STYX: variants seen among roughly 807,000 people sequenced by gnomAD.
STYX encodes serine/threonine/tyrosine-interacting protein.
STYX carries 20 observed loss-of-function variants against 42.7 expected under a neutral mutation model. That is an observed-to-expected ratio of 0.47 (90% CI 0.33 to 0.68). The LOEUF (loss-of-function observed/expected upper bound fraction) is 0.68, where lower values mean the gene tolerates loss of function less well. Among genes scored for constraint, STYX ranks in the 30% least tolerant of loss-of-function variants. STYX has a pLI of 0.02. For missense variants in STYX, 226 were observed against 268.5 expected, an observed-to-expected ratio of 0.84 and a Z score of 1.11; for synonymous variants, 78 against 81.9, an observed-to-expected ratio of 0.95 and a Z score of 0.26.
At chr14:52,764,875 G>A (rs1034752885) in intron 9 of STYX, among the ~76,000 whole-genome samples, 2 of 151,786 alleles carry the variant, frequency 1.3e-5, no homozygotes, top group African/African-American at 4.8e-5. Flanking sequence ...TGCCATGTTG[G>A]CCAGGATGGT....
chr14:52,751,952 C>T (rs1473053217), intron 4 of STYX, among the ~76,000 whole-genome samples: 3 of 152,112 alleles, frequency 2.0e-5, no homozygotes, highest in Middle Eastern at 3.2e-3. Context: ...CACCTGAGGT[C>T]AGGAGTTCGA....
chr14:52,755,113 G>GTTT (rs199911952), intron 4 of STYX, among the ~76,000 whole-genome samples: 1 of 110,646 alleles, frequency 9.0e-6, no homozygotes, highest in African/African-American at 3.2e-5. Flanking sequence ...TTTTTTGTTT[G>GTTT]TTTTTTTGTT....
intron 1 of STYX, 71 bp from the exon 2 acceptor site, chr14:52,744,781 C>A: frequency 1.4e-6 from 2 of 1,412,192 alleles, no homozygotes; most frequent in South Asian, 1.2e-5. Flanking sequence ...ACTTGTGTGT[C>A]ACATCTTTAG....
chr14:52,730,296 C>A lies in STYX; in HGVS notation c.-179C>A. 1.6e-6 allele frequency: 1 copy of A among 621,442 alleles called. No homozygotes were observed. 38.5% of individuals were successfully genotyped at this position (621,442 alleles called of 1,614,324 possible). ...ACCCTCCTCTTCCCTGTCTTCGCCG[C>A]CGCCGCTGCTGGAGTCACTGGGACC... On this transcript the variant is annotated 5_prime_UTR_variant, in exon 1 of 11. Coordinates refer to ENST00000354586, the MANE Select transcript of STYX (RefSeq NM_145251.4).
chr14:52,742,925 A>G (rs1881251199), intron 1 of STYX, among the ~76,000 whole-genome samples: 1 of 150,894 alleles, frequency 6.6e-6, no homozygotes, highest in Non-Finnish European at 1.5e-5. Context: ...CCTCCCAAGT[A>G]GCTGGGATTA....
In STYX at chr14:52,771,087, C is replaced by T. The variant is rs141001072; in HGVS notation, c.653C>T (p.Ala218Val). The T allele has an allele frequency of 1.1e-5, 18 of 1,610,308 alleles. No individual in the cohort carries two copies. The highest frequency in any genetic ancestry group is 4.0e-5 in the African/African-American group (3 of 74,798). ...EEDDFGTMQV[A>V]TAQNG Reference sequence around the variant, plus strand: ...GATGATTTTGGAACCATGCAAGTGGCGACTGCACAGAATGGCTGACTTGAA... The same window carrying T: ...GATGATTTTGGAACCATGCAAGTGGTGACTGCACAGAATGGCTGACTTGAA... Residue 218 changes from alanine to valine, a missense_variant, in exon 11 of 11, where the codon GCG becomes GTG. By Grantham distance (64) the Ala-to-Val change is moderately conservative. Coordinates refer to ENST00000354586, the MANE Select transcript of STYX (RefSeq NM_145251.4).
intron 9 of STYX, among the ~76,000 whole-genome samples, chr14:52,765,682 G>C (rs1256702718): frequency 1.3e-5 from 2 of 152,172 alleles, no homozygotes; most frequent in Non-Finnish European, 2.9e-5. Context: ...GGGGTGGCGG[G>C]GGAGATGGTT....
rs866694310 is a variant in STYX, at chr14:52,773,626, C to T, written c.*2520C>T. 6.6e-6 allele frequency: 1 copy of T among 152,242 alleles called. No homozygotes were observed. The highest frequency in any genetic ancestry group is 2.4e-5 in the African/African-American group (1 of 41,456). 9.4% of individuals were successfully genotyped at this position (152,242 alleles called of 1,614,324 possible). On this transcript the variant is annotated 3_prime_UTR_variant, in exon 11 of 11. Transcript: ENST00000354586. ...GTGCTGGGATTACAGGCGTGAGCCA[C>T]TGCGCCTGGCTGAGTACAATATTAA...
At chr14:52,766,324 A>T (rs532620737) in intron 9 of STYX, among the ~76,000 whole-genome samples, 1 of 152,142 alleles carries the variant, frequency 6.6e-6, no homozygotes, top group South Asian at 2.1e-4. Flanking sequence ...GTGCCACCAA[A>T]CTCAGCTAAT....
chr14:52,750,210 T>TA (rs1454631976), intron 3 of STYX, among the ~76,000 whole-genome samples: 1 of 152,156 alleles, frequency 6.6e-6, no homozygotes, highest in Admixed American at 6.5e-5. Context: ...TTCTGACTCT[T>TA]AAAGTATACT....
intron 1 of STYX, chr14:52,731,540 C>G (rs2139870496): frequency 6.8e-6 from 1 of 147,468 alleles, no homozygotes; most frequent in East Asian, 2.0e-4. Context: ...CGGGTTCAAG[C>G]GATTCTCCTG....
At position 52,771,172 on chromosome 14, in the gene STYX, T is replaced by G; in HGVS notation, c.*66T>G. The G allele has an allele frequency of 7.0e-7, 1 of 1,423,998 alleles. No homozygotes were observed. The highest frequency in any genetic ancestry group is 9.7e-7 in the Non-Finnish European group (1 of 1,034,840). The allele number at this position is 1,423,998 out of a possible 1,614,324, so 88.2% of individuals were successfully genotyped here. A position where few individuals can be genotyped will look rare whatever the true frequency, so the allele number is the denominator to read the frequency against. ...AAGGAGAAAATACAAGAGAAAATTATAATGTAAAATGGTAAAAACATAAGT... is the reference window on the plus strand; with the variant it reads ...AAGGAGAAAATACAAGAGAAAATTAGAATGTAAAATGGTAAAAACATAAGT... On this transcript the variant is annotated 3_prime_UTR_variant, in exon 11 of 11. Transcript: ENST00000354586.
chr14:52,770,091 A>G (rs1165896862), intron 10 of STYX, among the ~76,000 whole-genome samples: 2 of 152,070 alleles, frequency 1.3e-5, no homozygotes, highest in Non-Finnish European at 2.9e-5. Context: ...GGAAGACATG[A>G]TGATTAATGC....
chr14:52,739,491 C>T (rs1458081635), intron 1 of STYX, among the ~76,000 whole-genome samples: 1 of 152,086 alleles, frequency 6.6e-6, no homozygotes, highest in Non-Finnish European at 1.5e-5. Flanking sequence ...AAGTCAATAA[C>T]ATTTAGTGCA....
chr14:52,750,277 C>T (rs1042085270), intron 3 of STYX, among the ~76,000 whole-genome samples: 4 of 152,034 alleles, frequency 2.6e-5, no homozygotes, highest in African/African-American at 9.7e-5. Flanking sequence ...TTAACTAGGT[C>T]GGTGATGTCC....
At position 52,730,423 on chromosome 14, in the gene STYX, G is replaced by A; in HGVS notation, c.-52G>A. 5.0e-6 allele frequency: 8 copies of A among 1,597,502 alleles called. No individual in the cohort carries two copies. In the South Asian group the frequency reaches 7.8e-5, roughly 16 times the overall value. The stretch of plus-strand genomic sequence containing the variant: ...GCCGCCGCAGCCAGCCCGAGGGTCG[G>A]CCGGCTGTGTAACACTCTCCCACCC... On this transcript the variant is annotated 5_prime_UTR_variant, in exon 1 of 11. Transcript: ENST00000354586.
rs1312984587 is a variant in STYX at position 52,772,015 on chromosome 14, T to TC, written c.*909_*910insC. The TC allele has an allele frequency of 6.6e-6, 1 of 152,494 alleles. No individual in the cohort carries two copies. The highest frequency in any genetic ancestry group is 2.4e-5 in the African/African-American group (1 of 41,436). 9.4% of individuals were successfully genotyped at this position (152,494 alleles called of 1,614,324 possible). A position where few individuals can be genotyped will look rare whatever the true frequency, so the allele number is the denominator to read the frequency against. ...ATCTAATAAACCAATGTAGCATTAT[T>TC]TTTTTCTAAATGAAGCCCCAAAAAA... On this transcript the variant is annotated 3_prime_UTR_variant, in exon 11 of 11. Transcript: ENST00000354586.
At chr14:52,767,948 C>T (rs143986677) in intron 9 of STYX, among the ~76,000 whole-genome samples, 50 of 152,174 alleles carry the variant, frequency 3.3e-4, no homozygotes, top group Non-Finnish European at 6.3e-4. Context: ...ATTTCACTTC[C>T]GCCTTACCAT....
At chr14:52,753,082 G>A (rs1285334169) in intron 4 of STYX, among the ~76,000 whole-genome samples, 3 of 127,126 alleles carry the variant, frequency 2.4e-5, no homozygotes, top group South Asian at 2.5e-4. Flanking sequence ...ACAGAGTTTC[G>A]CTCTGTTGCC....
Sources: allele counts gnomAD v4.1 joint callset (sites outside exome capture counted in the v4.1 genomes callset), GRCh38; gene constraint gnomAD v4.1.1; transcripts MANE v1.5; gene names NCBI Gene and HGNC (gene_info 2026-07-23, HGNC 2026-07-21).